The following ACTR3C variants were observed in gnomAD, a reference collection of about 807,000 sequenced individuals.
ACTR3C encodes actin-related protein 3C.
In ACTR3C, 18 loss-of-function variants were observed where a neutral mutation model predicts 26.3. The observed-to-expected ratio is 0.68, with a 90% CI of 0.47 to 1.01. The LOEUF (loss-of-function observed/expected upper bound fraction) is 1.01, where lower values mean the gene tolerates loss of function less well. ACTR3C is among the 50% of genes least tolerant of loss of function. The probability of loss-of-function intolerance (pLI) is 0.00; values close to 1 mark genes in which losing one functional copy is unlikely to be tolerated. For missense variants in ACTR3C, 184 were observed against 250.7 expected (o/e 0.73, Z 1.80); for synonymous variants, 55 against 94.5 (o/e 0.58, Z 2.42).
chr7:150,191,847 T>C, the ACTR3C span, among the ~76,000 whole-genome samples: 1 of 152,266 alleles, frequency 6.6e-6, no homozygotes, highest in African/African-American at 2.4e-5. Context: ...TTAAGAATTA[T>C]GTTAGCTGTA....
chr7:149,900,841 T>C, the ACTR3C span, among the ~76,000 whole-genome samples: 1 of 152,064 alleles, frequency 6.6e-6, no homozygotes, highest in Non-Finnish European at 1.5e-5. Flanking sequence ...GAGACCAGCC[T>C]GGCCAACATG....
At chr7:149,959,249 C>G in the ACTR3C span, among the ~76,000 whole-genome samples, 1 of 136,418 alleles carries the variant, frequency 7.3e-6, no homozygotes, top group East Asian at 2.6e-4. Flanking sequence ...TCTCCTCCTG[C>G]TGCTTCCTCC....
At chr7:150,039,128 C>T in the ACTR3C span, among the ~76,000 whole-genome samples, 1,156 of 149,092 alleles carry the variant, frequency 7.8e-3, 1 homozygote, top group African/African-American at 0.028. Context: ...ATCTTAGGAT[C>T]AACGATCGGG....
the ACTR3C span, among the ~76,000 whole-genome samples, chr7:150,110,941 G>C: frequency 0.51 from 64,667 of 126,076 alleles, 15,092 homozygotes; most frequent in African/African-American, 0.59. Context: ...ACATTGGAGA[G>C]AGGGCCCCCT....
At chr7:150,247,152 AT>A (rs1832507486), downstream of ACTR3C, 2 of 152,190 alleles carry the variant, frequency 1.3e-5, no homozygotes, top group Non-Finnish European at 2.9e-5. Context: ...ACAGCAAGTA[AT>A]TTTGTTTATT....
At chr7:150,203,448 C>G in the ACTR3C span, among the ~76,000 whole-genome samples, 1 of 152,242 alleles carries the variant, frequency 6.6e-6, no homozygotes, top group Non-Finnish European at 1.5e-5. Context: ...GAAACCTCAA[C>G]TCTGCCGTGA....
At chr7:150,043,726 ATT>A in the ACTR3C span, among the ~76,000 whole-genome samples, 76 of 152,242 alleles carry the variant, frequency 5.0e-4, no homozygotes, top group African/African-American at 1.8e-3. Flanking sequence ...CAGTTGAAAG[ATT>A]TAGACTTTTT....
intron 6 of ACTR3C, among the ~76,000 whole-genome samples, chr7:150,260,124 C>T (rs1195781861): frequency 6.6e-6 from 1 of 152,200 alleles, no homozygotes. Flanking sequence ...TGTTTTTGTA[C>T]TGCCCTCAGT....
At position 150,320,136 on chromosome 7, in the gene ACTR3C, G is replaced by A. The variant is rs115227034; in HGVS notation, c.-52+3333C>T. Among the ~76,000 whole-genome samples, 1,164 of 152,304 alleles carry A rather than the reference G, an allele frequency of 7.6e-3. 16 individuals are homozygous for A. Among genetic ancestry groups the A allele is most frequent in the African/African-American group, 0.027 (1,115 of 41,560 alleles). Reference sequence around the variant, plus strand: ...GTAACAGTACTCTTACCAGAAAAGGGGTTTCACCCCAGACCCCAAGGGCAG... The same window carrying A: ...GTAACAGTACTCTTACCAGAAAAGGAGTTTCACCCCAGACCCCAAGGGCAG... On this transcript the variant is annotated intron_variant, in intron 1 of 7. Transcript: ENST00000683684.
chr7:150,130,558 T>C, the ACTR3C span, among the ~76,000 whole-genome samples: 1 of 152,226 alleles, frequency 6.6e-6, no homozygotes, highest in Non-Finnish European at 1.5e-5. Context: ...CACAAAAAGA[T>C]ACTCATCATT....
the ACTR3C span, among the ~76,000 whole-genome samples, chr7:150,182,322 A>G: frequency 7.4e-4 from 112 of 151,012 alleles, 4 homozygotes; most frequent in Middle Eastern, 3.4e-3. Context: ...GTTAATTGGG[A>G]ATTAGCTAAG....
At chr7:150,078,023 G>A in the ACTR3C span, among the ~76,000 whole-genome samples, 9 of 152,264 alleles carry the variant, frequency 5.9e-5, no homozygotes, top group African/African-American at 2.2e-4. Context: ...CAGGGCAACT[G>A]TTAGTCTATA....
the ACTR3C span, among the ~76,000 whole-genome samples, chr7:150,157,972 G>C: frequency 6.6e-6 from 1 of 152,006 alleles, no homozygotes; most frequent in Non-Finnish European, 1.5e-5. Context: ...CAGAGAAGAA[G>C]GAACTCCTAC....
chr7:150,074,015 C>T, the ACTR3C span: 1 of 152,278 alleles, frequency 6.6e-6, no homozygotes, highest in African/African-American at 2.4e-5. Flanking sequence ...GTCCAGGGAT[C>T]ACTGTCATCA....
At position 150,274,512 on chromosome 7, in the gene ACTR3C, C is replaced by T. The variant is rs1393618746; in HGVS notation, c.564+10241G>A. Among the ~76,000 whole-genome samples the T allele has an allele frequency of 2.6e-5, 4 of 152,114 alleles. No individual in the cohort carries two copies. The highest frequency in any genetic ancestry group is 6.5e-5 in the Admixed American group (1 of 15,276). ...CACCATTCACTTCACTGGGATGGTC[C>T]GAAACTGAACCCACAAAATCTCCAA... On this transcript the variant is annotated intron_variant, in intron 6 of 7. Coordinates refer to ENST00000683684, the MANE Select transcript of ACTR3C (RefSeq NM_001164458.2). The surrounding 1 kb of genome is among the most constrained non-coding windows in gnomAD (Gnocchi z 4.1).
the ACTR3C span, among the ~76,000 whole-genome samples, chr7:150,123,515 A>G: frequency 2.6e-5 from 4 of 151,878 alleles, no homozygotes; most frequent in South Asian, 2.1e-4. Flanking sequence ...TACTTCCAGC[A>G]GCATCTCTTG....
At chr7:149,961,174 G>T in the ACTR3C span, among the ~76,000 whole-genome samples, 1 of 151,406 alleles carries the variant, frequency 6.6e-6, no homozygotes, top group Admixed American at 6.6e-5. Context: ...TGCACAGAGA[G>T]AAAGTGGTGC....
chr7:149,885,074 T>C, the ACTR3C span, among the ~76,000 whole-genome samples: 3,807 of 152,182 alleles, frequency 0.025, 149 homozygotes, highest in African/African-American at 0.078. Context: ...TGCTTAGCAG[T>C]ACCGCCTCCC....
At chr7:150,055,845 C>T in the ACTR3C span, among the ~76,000 whole-genome samples, 10 of 148,438 alleles carry the variant, frequency 6.7e-5, no homozygotes, top group Admixed American at 6.7e-4. Flanking sequence ...AAAAATCTTC[C>T]GTGCCTCTAG....
Sources: allele counts gnomAD v4.1 joint callset (sites outside exome capture counted in the v4.1 genomes callset), GRCh38; gene constraint gnomAD v4.1.1; non-coding constraint Gnocchi (gnomAD v3.1); transcripts MANE v1.5; gene names NCBI Gene and HGNC (gene_info 2026-07-23, HGNC 2026-07-21).